The following SHCBP1L variants were observed in gnomAD, a reference collection of about 807,000 sequenced individuals.
The protein encoded by SHCBP1L is SHC binding and spindle associated 1 like, also known as testicular spindle-associated protein SHCBP1L.
In SHCBP1L, 67 loss-of-function variants were observed where a neutral mutation model predicts 62.5. That is an observed-to-expected ratio of 1.07 (90% CI 0.88 to 1.31). The LOEUF (loss-of-function observed/expected upper bound fraction) is 1.31, where lower values mean the gene tolerates loss of function less well. SHCBP1L is among the 40% of genes most tolerant of loss of function. The probability of loss-of-function intolerance (pLI) is 0.00; values close to 1 mark genes in which losing one functional copy is unlikely to be tolerated. For synonymous variants in SHCBP1L, 284 were observed against 289.4 expected, an observed-to-expected ratio of 0.98 and a Z score of 0.19; for missense variants, 823 against 809.8, an observed-to-expected ratio of 1.02 and a Z score of -0.20.
At chr1:182,900,354 A>C (rs1649789658) in intron 9 of SHCBP1L, 120 bp from the exon 10 acceptor site, 1 of 818,272 alleles carries the variant, frequency 1.2e-6, no homozygotes, top group African/African-American at 1.8e-5. Flanking sequence ...AAAACAACCA[A>C]GACTCTCAAT....
intron 6 of SHCBP1L, among the ~76,000 whole-genome samples, chr1:182,910,403 G>C (rs1650141514): frequency 6.6e-6 from 1 of 152,192 alleles, no homozygotes; most frequent in African/African-American, 2.4e-5. Flanking sequence ...TGCAATATAG[G>C]CTTTGTTCTC....
At chr1:182,951,956 TC>T in intron 1 of SHCBP1L, 1 of 348,684 alleles carries the variant, frequency 2.9e-6, no homozygotes, top group South Asian at 2.0e-5. Flanking sequence ...GGAGTTCGAG[TC>T]CAGCCTGACC....
At chr1:182,930,703 G>A (rs7546802) in intron 5 of SHCBP1L, among the ~76,000 whole-genome samples, 7,612 of 14,200 alleles carry the variant, frequency 0.54, 2,075 homozygotes, top group Middle Eastern at 0.62. Flanking sequence ...GTGTGTGTGT[G>A]TATATATATA....
At position 182,900,130 on chromosome 1, in the gene SHCBP1L, T is replaced by C; in HGVS notation, c.1815A>G (p.Ala605=). The C allele has an allele frequency of 6.2e-7, 1 of 1,612,552 alleles. No homozygotes were observed. Among genetic ancestry groups the C allele is most frequent in the Non-Finnish European group, 8.5e-7 (1 of 1,179,144 alleles). Residue 605 remains alanine, a synonymous_variant, in exon 10 of 10, where the codon GCA becomes GCG. Transcript: ENST00000367547. ...AAGCCCTTTTGTTGAGAGCTTCTTCTGCTACGATAAAAAACTGTTCCATTG... is the reference window on the plus strand; with the variant it reads ...AAGCCCTTTTGTTGAGAGCTTCTTCCGCTACGATAAAAAACTGTTCCATTG... ...LQPMEQFFIV[A]EEALNKRASS...
At chr1:182,924,779 A>AGAAAGAAAGAAAGAAG (rs1650651260) in intron 6 of SHCBP1L, among the ~76,000 whole-genome samples, 2 of 102,406 alleles carry the variant, frequency 2.0e-5, no homozygotes, top group Non-Finnish European at 3.4e-5. Context: ...AAAGAAAGAA[A>AGAAAGAAAGAAAGAAG]GAAAGAAAGA....
At chr1:182,905,088 CTTACTT>C (rs1267195182) in intron 7 of SHCBP1L, among the ~76,000 whole-genome samples, 2 of 152,150 alleles carry the variant, frequency 1.3e-5, no homozygotes, top group Non-Finnish European at 2.9e-5. Context: ...TGAGAATACT[CTTACTT>C]CAACGTCAAA....
Position 182,929,708 on chromosome 1 carries a change from C to G in SHCBP1L, c.1121G>C (p.Gly374Ala), listed in dbSNP as rs1250556497. The change falls in exon 6 of 10, where the codon GGA becomes GCA. Residue 374 changes from glycine (G) to alanine (A), a missense_variant. Coordinates refer to ENST00000367547, the MANE Select transcript of SHCBP1L (RefSeq NM_030933.4). ...FFPRILRRRK[G>A]KREFGKTITH... ...TATAGTCTTTCCAAATTCTCTTTTT[C>G]CTTTCCTACGCCTCAGAATTCTTGG... 1.9e-6 allele frequency: 3 copies of G among 1,594,178 alleles called. No individual in the cohort carries two copies. In the African/African-American group the frequency reaches 4.1e-5, roughly 22 times the overall value.
intron 5 of SHCBP1L, among the ~76,000 whole-genome samples, chr1:182,932,587 C>T (rs920451581): frequency 9.9e-5 from 15 of 152,016 alleles, no homozygotes; most frequent in African/African-American, 1.7e-4. Flanking sequence ...CTCTGCCTCC[C>T]GGGTTCAAGC....
intron 5 of SHCBP1L, among the ~76,000 whole-genome samples, chr1:182,937,972 A>T (rs112144400): frequency 1.3e-3 from 192 of 152,320 alleles, no homozygotes; most frequent in African/African-American, 4.5e-3. Flanking sequence ...GTAACAGAAC[A>T]GGTTAAAAGG....
chr1:182,952,477 ATT>A (rs1436364990), intron 1 of SHCBP1L: 1 of 437,486 alleles, frequency 2.3e-6, no homozygotes, highest in Non-Finnish European at 4.0e-6. Context: ...CTCTCAGAAA[ATT>A]CTCTCTCAGG....
intron 9 of SHCBP1L, among the ~76,000 whole-genome samples, chr1:182,901,426 C>T (rs1429928954): frequency 6.6e-6 from 1 of 152,126 alleles, no homozygotes; most frequent in African/African-American, 2.4e-5. Flanking sequence ...CATTACACTC[C>T]AGCCTGGGCA....
At chr1:182,927,217 G>C (rs2101939732) in intron 6 of SHCBP1L, among the ~76,000 whole-genome samples, 1 of 151,224 alleles carries the variant, frequency 6.6e-6, no homozygotes, top group South Asian at 2.1e-4. Flanking sequence ...CAGGGTATTT[G>C]AACATTGGGT....
chr1:182,942,851 A>G (rs1056503405), intron 2 of SHCBP1L, among the ~76,000 whole-genome samples: 5 of 152,212 alleles, frequency 3.3e-5, no homozygotes, highest in African/African-American at 9.7e-5. Context: ...ATCAGCACAT[A>G]AAACAATAAT....
chr1:182,918,554 T>C (rs1255227286), intron 6 of SHCBP1L, among the ~76,000 whole-genome samples: 1 of 152,188 alleles, frequency 6.6e-6, no homozygotes, highest in Non-Finnish European at 1.5e-5. Flanking sequence ...TTGGAAGATT[T>C]TAATATTGCT....
intron 5 of SHCBP1L, among the ~76,000 whole-genome samples, chr1:182,932,298 T>C: frequency 6.6e-6 from 1 of 152,062 alleles, no homozygotes; most frequent in East Asian, 1.9e-4. Context: ...TTCCAACTCA[T>C]GTGGGTAATT....
At chr1:182,935,855 A>G (rs2101947770) in intron 5 of SHCBP1L, among the ~76,000 whole-genome samples, 1 of 152,334 alleles carries the variant, frequency 6.6e-6, no homozygotes, top group East Asian at 1.9e-4. Flanking sequence ...TGAGCATGAA[A>G]TATCTTTCTC....
intron 5 of SHCBP1L, among the ~76,000 whole-genome samples, chr1:182,932,180 A>G (rs1228185018): frequency 6.6e-6 from 1 of 151,630 alleles, no homozygotes; most frequent in African/African-American, 2.4e-5. Flanking sequence ...GTGTCCCACA[A>G]TTTATACATT....
chr1:182,938,410 T>G (rs1460474916), intron 5 of SHCBP1L, among the ~76,000 whole-genome samples: 2 of 152,006 alleles, frequency 1.3e-5, no homozygotes, highest in African/African-American at 2.4e-5. Flanking sequence ...AGCTTGTGCT[T>G]CTTCTTTTAT....
In SHCBP1L at chr1:182,939,297, C is replaced by T. The variant is rs1260565692; in HGVS notation, c.955G>A (p.Glu319Lys). ...TCTTCTTTAATATTGCTCTGATACT[C>T]AATGAGCTCGACACGTTTGTTTTTA... is the stretch of plus-strand genomic sequence containing the variant. ...KYKNKRVELI[E>K]YQSNIKEDPS... The change falls in exon 5 of 10, where the codon GAG becomes AAG. Residue 319 changes from glutamate to lysine, a missense_variant. Transcript: ENST00000367547. The T allele has an allele frequency of 1.2e-6, 2 of 1,613,950 alleles. No individual in the cohort carries two copies. Among genetic ancestry groups the T allele is most frequent in the East Asian group, 4.5e-5 (2 of 44,834 alleles).
Sources: gnomAD v4.1 joint callset for allele counts (sites outside exome capture counted in the v4.1 genomes callset) on GRCh38, gnomAD v4.1.1 for gene constraint, MANE v1.5 for transcripts, NCBI Gene and HGNC (gene_info 2026-07-23, HGNC 2026-07-21) for gene names.